SLC14A2: variants seen among roughly 807,000 people sequenced by gnomAD.
SLC14A2 encodes solute carrier family 14 member 2, also known as urea transporter 2.
SLC14A2 carries 91 observed loss-of-function variants against 104.6 expected under a neutral mutation model. The observed-to-expected ratio is 0.87, with a 90% CI of 0.73 to 1.04. The LOEUF is 1.04. SLC14A2 is among the 50% of genes least tolerant of loss of function. SLC14A2 has a pLI of 0.00. For synonymous variants in SLC14A2, 476 were observed against 466.4 expected (o/e 1.02, Z -0.27); for missense variants, 1,189 against 1,156.0 (o/e 1.03, Z -0.41).
intron 1 of SLC14A2, among the ~76,000 whole-genome samples, chr18:45,323,815 C>T (rs1221218386): frequency 6.6e-6 from 1 of 152,280 alleles, no homozygotes; most frequent in East Asian, 1.9e-4. Context: ...TGCCTTCCAC[C>T]TCCCAAGACC....
intron 1 of SLC14A2, among the ~76,000 whole-genome samples, chr18:45,410,380 T>C (rs1292365371): frequency 6.6e-6 from 1 of 152,204 alleles, no homozygotes; most frequent in Non-Finnish European, 1.5e-5. Context: ...ATGGTCTTAA[T>C]ATAAATCTAT....
chr18:45,246,776 C>T (rs892002639), intron 1 of SLC14A2, among the ~76,000 whole-genome samples: 10 of 151,962 alleles, frequency 6.6e-5, no homozygotes, highest in African/African-American at 1.2e-4. Flanking sequence ...TTTGGGAGGC[C>T]GAGGCAGGCA....
intron 1 of SLC14A2, among the ~76,000 whole-genome samples, chr18:45,406,272 C>T (rs964248585): frequency 1.3e-5 from 2 of 152,168 alleles, no homozygotes; most frequent in Non-Finnish European, 2.9e-5. Flanking sequence ...CTCAAGGAAC[C>T]ACTTTCTTTT....
intron 1 of SLC14A2, among the ~76,000 whole-genome samples, chr18:45,412,400 G>C (rs531718705): frequency 6.6e-6 from 1 of 152,304 alleles, no homozygotes; most frequent in East Asian, 1.9e-4. Flanking sequence ...AAACAGGAAA[G>C]TTTCAGGTCT....
chr18:45,364,403 G>A (rs1568168404), intron 1 of SLC14A2, among the ~76,000 whole-genome samples: 1 of 152,178 alleles, frequency 6.6e-6, no homozygotes, highest in African/African-American at 2.4e-5. Context: ...TGGTTGGTTG[G>A]TTTACTTCTC....
intron 1 of SLC14A2, among the ~76,000 whole-genome samples, chr18:45,377,366 T>A (rs1461806737): frequency 1.3e-5 from 2 of 152,150 alleles, no homozygotes; most frequent in Non-Finnish European, 2.9e-5. Flanking sequence ...TTGTATAACA[T>A]TGGCATCTAC....
chr18:45,268,787 A>G (rs1255906419), intron 1 of SLC14A2, among the ~76,000 whole-genome samples: 1 of 152,160 alleles, frequency 6.6e-6, no homozygotes, highest in Non-Finnish European at 1.5e-5. Flanking sequence ...TGAGCCTTAT[A>G]TGACAGATAA....
Position 45,559,997 on chromosome 18 carries a change from C to T in SLC14A2, c.-34-64634C>T, listed in dbSNP as rs145869151. Among the ~76,000 whole-genome samples the T allele has an allele frequency of 1.5e-3, 233 of 152,278 alleles. 2 individuals carry two copies. Among genetic ancestry groups the T allele is most frequent in the African/African-American group, 5.5e-3 (229 of 41,546 alleles). ...GAGCAGAGGCTTCCTGGGTGTGGCC[C>T]AAGTCCCTATTAAATGTCCTCTGCC... On this transcript the variant is annotated intron_variant, in intron 2 of 20. Coordinates refer to the SLC14A2 transcript ENST00000586448.
intron 2 of SLC14A2, among the ~76,000 whole-genome samples, chr18:45,494,263 C>T (rs773319881): frequency 6.6e-6 from 1 of 152,190 alleles, no homozygotes; most frequent in Non-Finnish European, 1.5e-5. Context: ...GCCTACTGTA[C>T]ATTCATGGTC....
At chr18:45,426,830 G>A (rs908254763) in intron 1 of SLC14A2, among the ~76,000 whole-genome samples, 2 of 151,936 alleles carry the variant, frequency 1.3e-5, no homozygotes, top group Non-Finnish European at 2.9e-5. Context: ...CTGCCTCTGG[G>A]AACCTGCATT....
intron 10 of SLC14A2, among the ~76,000 whole-genome samples, chr18:45,648,132 A>G (rs1219704114): frequency 6.6e-6 from 1 of 150,862 alleles, no homozygotes; most frequent in East Asian, 1.9e-4. Context: ...TTAATTTATG[A>G]CAATCTTTTT....
Position 45,632,378 on chromosome 18 carries a change from T to C in SLC14A2, c.550T>C (p.Tyr184His), listed in dbSNP as rs745502669. 6.2e-7 allele frequency: 1 copy of C among 1,613,812 alleles called. No homozygotes were observed. The highest frequency in any genetic ancestry group is 8.5e-7 in the Non-Finnish European group (1 of 1,179,882). Reference sequence around the variant, plus strand: ...TGCCATTGCCTCAGGACTCCATGGGTACAACGGGATGCTGGTGGGACTGCT... The same window carrying C: ...TGCCATTGCCTCAGGACTCCATGGGCACAACGGGATGCTGGTGGGACTGCT... ...RSAIASGLHG[Y>H]NGMLVGLLMA... Residue 184 changes from tyrosine to histidine, a missense_variant, in exon 5 of 20, where the codon TAC (tyrosine) becomes CAC (histidine). By Grantham distance (83) the Tyr-to-His change is moderately conservative. Coordinates refer to ENST00000255226, the MANE Select transcript of SLC14A2 (RefSeq NM_007163.4).
intron 1 of SLC14A2, among the ~76,000 whole-genome samples, chr18:45,343,897 C>A (rs948846674): frequency 6.6e-6 from 1 of 152,116 alleles, no homozygotes; most frequent in African/African-American, 2.4e-5. Flanking sequence ...TTTTGTGTGA[C>A]AGCAATATCT....
intron 1 of SLC14A2, among the ~76,000 whole-genome samples, chr18:45,214,310 T>TC (rs1462240443): frequency 6.6e-6 from 1 of 152,152 alleles, no homozygotes; most frequent in African/African-American, 2.4e-5. Context: ...TTCCTCCTCC[T>TC]CTGTTTAAGG....
At chr18:45,483,559 T>G (rs1033782865) in intron 2 of SLC14A2, 4 of 152,072 alleles carry the variant, frequency 2.6e-5, no homozygotes, top group African/African-American at 9.7e-5. Context: ...TCTGAAAAAT[T>G]TAAAAGGGAT....
intron 1 of SLC14A2, among the ~76,000 whole-genome samples, chr18:45,381,605 C>T (rs140675923): frequency 6.6e-6 from 1 of 152,180 alleles, no homozygotes; most frequent in Non-Finnish European, 1.5e-5. Flanking sequence ...TTTTGTTGAT[C>T]CAATTATATG....
chr18:45,369,899 C>A (rs1008161994), intron 1 of SLC14A2, among the ~76,000 whole-genome samples: 1 of 152,130 alleles, frequency 6.6e-6, no homozygotes. Context: ...TGTGTTATAG[C>A]TGTTTCCCAG....
chr18:45,401,738 C>A (rs1239125249), intron 1 of SLC14A2, among the ~76,000 whole-genome samples: 2 of 151,996 alleles, frequency 1.3e-5, no homozygotes, highest in Non-Finnish European at 2.9e-5. Flanking sequence ...GTTTCAGGGG[C>A]CTGAGAGGAG....
At chr18:45,388,062 A>C (rs2085918253) in intron 1 of SLC14A2, among the ~76,000 whole-genome samples, 1 of 111,292 alleles carries the variant, frequency 9.0e-6, no homozygotes, top group Non-Finnish European at 1.7e-5. Context: ...CCTTGCTCAT[A>C]TCTTTTTTTT....
Sources: gnomAD v4.1 joint callset for allele counts (sites outside exome capture counted in the v4.1 genomes callset) on GRCh38, gnomAD v4.1.1 for gene constraint, MANE v1.5 for transcripts, NCBI Gene and HGNC (gene_info 2026-07-23, HGNC 2026-07-21) for gene names.